ANTXR2: variants seen among roughly 807,000 people sequenced by gnomAD.
ANTXR2 encodes ANTXR cell adhesion molecule 2, also known as anthrax toxin receptor 2.
A neutral mutation model predicts 73.7 loss-of-function variants in ANTXR2; 44 were observed. The observed-to-expected ratio is 0.60, with a 90% CI of 0.47 to 0.77. The LOEUF is 0.77. Among genes scored for constraint, ANTXR2 ranks in the 30% least tolerant of loss-of-function variants. ANTXR2 has a pLI of 0.00. For synonymous variants in ANTXR2, 217 were observed against 205.9 expected, an observed-to-expected ratio of 1.05 and a Z score of -0.46; for missense variants, 604 against 592.5, an observed-to-expected ratio of 1.02 and a Z score of -0.20.
chr4:79,983,739 G>A lies in ANTXR2; in HGVS notation c.1179+139C>T, dbSNP rs1729985116. 13 of 703,094 alleles carry A rather than the reference G, an allele frequency of 1.8e-5. No individual in the cohort carries two copies. The South Asian group carries it at 2.3e-4, about 12-fold the overall frequency. The allele number at this position is 703,094 out of a possible 1,614,324, so 43.6% of individuals were successfully genotyped here. A position where few individuals can be genotyped will look rare whatever the true frequency, so the allele number is the denominator to read the frequency against. ...AGGATGATTCCATAGAAAAAAAAAT[G>A]TATCCAGAAAAGACCCAGTGTTAAG... On this transcript the variant is annotated intron_variant, in intron 14 of 16. Coordinates refer to ENST00000403729, the MANE Select transcript of ANTXR2 (RefSeq NM_058172.6).
At chr4:79,922,173 T>G (rs1388201938) in intron 16 of ANTXR2, among the ~76,000 whole-genome samples, 1 of 152,056 alleles carries the variant, frequency 6.6e-6, no homozygotes, top group Admixed American at 6.6e-5. Flanking sequence ...AAAATTAGGC[T>G]GATAACAGCA....
At chr4:80,069,278 A>C (rs982612128) in intron 3 of ANTXR2, among the ~76,000 whole-genome samples, 158 bp downstream of exon 3, 4 of 152,308 alleles carry the variant, frequency 2.6e-5, no homozygotes, top group Admixed American at 2.6e-4. Context: ...CTGCTCTTTT[A>C]TATTACTCAT....
intron 14 of ANTXR2, among the ~76,000 whole-genome samples, chr4:79,979,237 G>A (rs1266943391): frequency 6.6e-6 from 1 of 152,026 alleles, no homozygotes; most frequent in Non-Finnish European, 1.5e-5. Context: ...AAAATAGGAT[G>A]CAGCCCCTGG....
intron 12 of ANTXR2, among the ~76,000 whole-genome samples, chr4:79,992,693 A>G (rs1204242275): frequency 6.6e-6 from 1 of 152,090 alleles, no homozygotes; most frequent in East Asian, 1.9e-4. Context: ...ATGTCATATG[A>G]CTATGAACTT....
intron 16 of ANTXR2, among the ~76,000 whole-genome samples, chr4:79,955,989 C>T (rs1421893484): frequency 6.6e-6 from 1 of 152,130 alleles, no homozygotes; most frequent in Non-Finnish European, 1.5e-5. Context: ...GCTAGTTCAT[C>T]CCTCTTGTGC....
At chr4:79,976,133 C>A (rs182897292) in intron 16 of ANTXR2, among the ~76,000 whole-genome samples, 3 of 151,910 alleles carry the variant, frequency 2.0e-5, no homozygotes, top group African/African-American at 7.3e-5. Flanking sequence ...AGGATGGTCT[C>A]GATCTCCTGA....
rs769634026 is a variant in ANTXR2 at position 79,984,848 on chromosome 4, G to A, written c.1057C>T (p.Pro353Ser). The A allele has an allele frequency of 6.2e-7, 1 of 1,606,874 alleles. No homozygotes were observed. Among genetic ancestry groups the A allele is most frequent in the Non-Finnish European group, 8.5e-7 (1 of 1,176,038 alleles). The change falls in exon 13 of 17, where the codon CCA becomes TCA. Residue 353 changes from proline to serine, a missense_variant. By Grantham distance (74) the Pro-to-Ser change is moderately conservative. Transcript: ENST00000403729. ...TTTGGTGCAGGGGCGGGTGGTGGTG[G>A]AGGATCCTTAATAACCTGTCAAAAA... ...LCCKVVIKDP[P>S]PPPAPAPKEE...
intron 16 of ANTXR2, 144 bp downstream of exon 16, chr4:79,977,477 C>A: frequency 7.0e-7 from 1 of 1,433,462 alleles, no homozygotes. Flanking sequence ...ATAGACAATT[C>A]TATGTAATAG....
chr4:80,050,972 G>A (rs967505543), intron 7 of ANTXR2, among the ~76,000 whole-genome samples: 1 of 151,564 alleles, frequency 6.6e-6, no homozygotes, highest in Non-Finnish European at 1.5e-5. Context: ...ACCCGTCAAT[G>A]TTTATCCCCC....
At chr4:80,049,617 C>T (rs1243546333) in intron 7 of ANTXR2, among the ~76,000 whole-genome samples, 1 of 151,626 alleles carries the variant, frequency 6.6e-6, no homozygotes, top group African/African-American at 2.4e-5. Context: ...AATCAACTTC[C>T]CCCTCTGCCC....
At chr4:79,952,884 G>A (rs73828819) in intron 16 of ANTXR2, among the ~76,000 whole-genome samples, 13,844 of 151,776 alleles carry the variant, frequency 0.091, 735 homozygotes, top group Middle Eastern at 0.23. Flanking sequence ...TAGGAATAAA[G>A]GAAACCTCCT....
intron 10 of ANTXR2, among the ~76,000 whole-genome samples, chr4:80,027,231 C>A (rs1191849070): frequency 2.0e-5 from 3 of 151,944 alleles, no homozygotes; most frequent in Non-Finnish European, 4.4e-5. Context: ...GACATACACA[C>A]ACATACAGAT....
intron 3 of ANTXR2, among the ~76,000 whole-genome samples, chr4:80,068,923 G>T (rs1438763924): frequency 6.6e-6 from 1 of 152,064 alleles, no homozygotes. Context: ...AAATAGATAG[G>T]TAGATAGATA....
chr4:79,956,513 A>G (rs984758570), intron 16 of ANTXR2, among the ~76,000 whole-genome samples: 8 of 152,080 alleles, frequency 5.3e-5, no homozygotes, highest in Admixed American at 6.6e-5. Context: ...TTCACCAATC[A>G]TCTCTAGATC....
chr4:80,018,968 T>G lies in ANTXR2; in HGVS notation c.875A>C (p.Asp292Ala). Residue 292 changes from aspartate (D) to alanine (A), a missense_variant, in exon 11 of 17, where the codon GAT becomes GCT. Asp to Ala is a moderately radical substitution (Grantham distance 126). Coordinates refer to ENST00000403729, the MANE Select transcript of ANTXR2 (RefSeq NM_058172.6). ...TCCTCCATTAAAGCTCACTGAAACATCAAGAGTTCTGAAAAAGAAAAGAAA... is the reference window on the plus strand; with the variant it reads ...TCCTCCATTAAAGCTCACTGAAACAGCAAGAGTTCTGAAAAAGAAAAGAAA... ...PILNKAGETL[D>A]VSVSFNGGKS... 1 of 1,486,878 alleles carries G rather than the reference T, an allele frequency of 6.7e-7. No homozygotes were observed. Among genetic ancestry groups the G allele is most frequent in the South Asian group, 1.4e-5 (1 of 71,320 alleles). The allele number at this position is 1,486,878 out of a possible 1,614,324, so 92.1% of individuals were successfully genotyped here. A position where few individuals can be genotyped will look rare whatever the true frequency, so the allele number is the denominator to read the frequency against.
rs1026540181 is a variant in ANTXR2, at chr4:79,937,582, C to T, written c.1429-30115G>A. Reference sequence around the variant, plus strand: ...GTACCATACTCAAACAGATTTGTTCCGTTATCTAAACTAGAAATAAATAAA... The same window carrying T: ...GTACCATACTCAAACAGATTTGTTCTGTTATCTAAACTAGAAATAAATAAA... On this transcript the variant is annotated intron_variant, in intron 16 of 16. Coordinates refer to ENST00000403729, the MANE Select transcript of ANTXR2 (RefSeq NM_058172.6). Among the ~76,000 whole-genome samples, 6 of 152,110 alleles carry T rather than the reference C, an allele frequency of 3.9e-5. No homozygotes were observed. In the East Asian group the frequency reaches 7.7e-4, roughly 20 times the overall value.
intron 16 of ANTXR2, among the ~76,000 whole-genome samples, chr4:79,961,891 T>C (rs1436189842): frequency 6.6e-6 from 1 of 152,182 alleles, no homozygotes; most frequent in African/African-American, 2.4e-5. Context: ...TCAAGATAAA[T>C]ATTTATCTAA....
intron 1 of ANTXR2, 64 bp downstream of exon 1, chr4:80,072,345 C>T (rs1734836523): frequency 3.4e-6 from 5 of 1,481,144 alleles, no homozygotes; most frequent in South Asian, 1.4e-5. Context: ...GCATCTCAGC[C>T]TCAGCCCCAG....
Position 79,978,030 on chromosome 4 carries a change from T to G in ANTXR2, c.1324A>C (p.Thr442Pro). 1 of 1,603,308 alleles carries G rather than the reference T, an allele frequency of 6.2e-7. No individual in the cohort carries two copies. Among genetic ancestry groups the G allele is most frequent in the Non-Finnish European group, 8.5e-7 (1 of 1,176,648 alleles). The change falls in exon 15 of 17, where the codon ACA (threonine) becomes CCA (proline). Residue 442 changes from threonine (T) to proline (P), a missense_variant. Transcript: ENST00000403729. ...RPKPTHQPPQ[T>P]KWYTPIKGRL... ...ACCTTAATTGGGGTGTACCATTTTG[T>G]CTGAGGAGGCTGGTGTGTGGGTTTG... is the stretch of plus-strand genomic sequence containing the variant.
Sources: gnomAD v4.1 joint callset for allele counts (sites outside exome capture counted in the v4.1 genomes callset) on GRCh38, gnomAD v4.1.1 for gene constraint, MANE v1.5 for transcripts, NCBI Gene and HGNC (gene_info 2026-07-23, HGNC 2026-07-21) for gene names.